Variants in FAM81B observed in about 807,000 individuals in gnomAD.
The protein encoded by FAM81B is protein FAM81B.
Under a neutral mutation model 58.7 loss-of-function variants are expected in FAM81B, and 60 were observed. That is an observed-to-expected ratio of 1.02 (90% CI 0.83 to 1.27). FAM81B has a LOEUF of 1.27. Ranked by LOEUF, FAM81B falls within the 50% of genes most tolerant of loss-of-function variation. The pLI, the probability that FAM81B is intolerant of heterozygous loss-of-function variation, is 0.00. For missense variants in FAM81B, 491 were observed against 522.0 expected (o/e 0.94, Z 0.58); for synonymous variants, 189 against 179.6 (o/e 1.05, Z -0.42).
At chr5:95,401,588 GT>G (rs150213217) in intron 3 of FAM81B, among the ~76,000 whole-genome samples, 38 of 147,770 alleles carry the variant, frequency 2.6e-4, no homozygotes, top group East Asian at 9.9e-4. Flanking sequence ...TTCACTTCAG[GT>G]TTTTTTTTTG....
Position 95,450,295 on chromosome 5 carries a change from A to T in FAM81B, c.*13A>T, listed in dbSNP as rs747423587. On this transcript the variant is annotated 3_prime_UTR_variant, in exon 10 of 10. Transcript: ENST00000283357. ...CCAGGAAGTATAAACCTTTTCAGTC[A>T]TCTTCTTTTTCATCAGCCAATGGAG... The T allele has an allele frequency of 5.0e-6, 8 of 1,609,758 alleles. No individual in the cohort carries two copies. In the South Asian group the frequency reaches 8.9e-5, roughly 18 times the overall value.
At chr5:95,426,110 A>G (rs1762821188) in intron 5 of FAM81B, among the ~76,000 whole-genome samples, 1 of 133,904 alleles carries the variant, frequency 7.5e-6, no homozygotes, top group Non-Finnish European at 1.6e-5. Context: ...ATATATATAT[A>G]TATATATATA....
At chr5:95,439,262 A>ATG (rs972472298) in intron 7 of FAM81B, among the ~76,000 whole-genome samples, 2 of 144,380 alleles carry the variant, frequency 1.4e-5, no homozygotes, top group African/African-American at 5.1e-5. Flanking sequence ...ATATATATAT[A>ATG]TATGTATATT....
At chr5:95,437,342 T>A (rs1016365890) in intron 7 of FAM81B, among the ~76,000 whole-genome samples, 1 of 151,638 alleles carries the variant, frequency 6.6e-6, no homozygotes, top group Non-Finnish European at 1.5e-5. Context: ...TATCATTATT[T>A]TATTATTATT....
chr5:95,448,315 G>A lies in FAM81B; in HGVS notation c.1076G>A (p.Ser359Asn). The A allele has an allele frequency of 1.2e-6, 2 of 1,608,588 alleles. No individual in the cohort carries two copies. Among genetic ancestry groups the A allele is most frequent in the African/African-American group, 1.3e-5 (1 of 74,726 alleles). Residue 359 changes from serine (S) to asparagine (N), a missense_variant, in exon 9 of 10, where the codon AGC (serine) becomes AAC (asparagine). Transcript: ENST00000283357. Reference sequence around the variant, plus strand: ...GAAGAAAAACTGCTGCAGCTTTCAAGCAAAGTAGAGAATTTCATTAACACA... The same window carrying A: ...GAAGAAAAACTGCTGCAGCTTTCAAACAAAGTAGAGAATTTCATTAACACA... The part of the protein sequence containing the change: ...KMEEKLLQLS[S>N]KVENFINTQK...
intron 3 of FAM81B, among the ~76,000 whole-genome samples, chr5:95,411,537 A>G (rs1302164482): frequency 6.6e-6 from 1 of 152,212 alleles, no homozygotes; most frequent in Non-Finnish European, 1.5e-5. Flanking sequence ...ATATTCATAA[A>G]GAAATAAGTC....
chr5:95,439,952 C>G lies in FAM81B; in HGVS notation c.893+3046C>G, dbSNP rs548760923. 345 of 285,510 alleles carry G rather than the reference C, an allele frequency of 1.2e-3. 1 individual carries two copies. Among genetic ancestry groups the G allele is most frequent in the Non-Finnish European group, 1.9e-3 (281 of 146,772 alleles). The allele number at this position is 285,510 out of a possible 1,614,324, so 17.7% of individuals were successfully genotyped here. ...GCAGGATCGCTTGAACCCAGGAGTTCGGGTTACAATGAGCTGTCATTGCAC... is the reference window on the plus strand; with the variant it reads ...GCAGGATCGCTTGAACCCAGGAGTTGGGGTTACAATGAGCTGTCATTGCAC... On this transcript the variant is annotated intron_variant, in intron 7 of 9. Coordinates refer to ENST00000283357, the MANE Select transcript of FAM81B (RefSeq NM_152548.3).
chr5:95,407,670 T>C (rs1422374595), intron 3 of FAM81B, among the ~76,000 whole-genome samples: 1 of 152,216 alleles, frequency 6.6e-6, no homozygotes, highest in Non-Finnish European at 1.5e-5. Context: ...GCATCATACA[T>C]TAAGCTCAAA....
intron 8 of FAM81B, among the ~76,000 whole-genome samples, chr5:95,447,295 A>G (rs138339891): frequency 1.3e-4 from 20 of 152,280 alleles, no homozygotes; most frequent in African/African-American, 4.8e-4. Flanking sequence ...GCAGGTGACT[A>G]AAGTAAGATG....
chr5:95,441,116 C>T (rs541381160), intron 7 of FAM81B, among the ~76,000 whole-genome samples: 6 of 152,012 alleles, frequency 3.9e-5, no homozygotes, highest in Non-Finnish European at 7.4e-5. Context: ...CCTCACTTGC[C>T]AAGATACAAT....
chr5:95,391,574 C>T (rs1761818418), intron 1 of FAM81B, 61 bp downstream of exon 1: 3 of 1,526,022 alleles, frequency 2.0e-6, no homozygotes, highest in Non-Finnish European at 2.6e-6. Context: ...TCTTCTGTTT[C>T]TTATTACATA....
At position 95,446,548 on chromosome 5, in the gene FAM81B, AT is replaced by A. The variant is rs745416732; in HGVS notation, c.894-8del. ...TTAACTTATTTAAATGAAACAAAACATTTTTTCCCATAGATTTCATTCACTT... is the reference window on the plus strand; with the variant it reads ...TTAACTTATTTAAATGAAACAAAACATTTTTCCCATAGATTTCATTCACTT... On this transcript the variant is annotated splice_polypyrimidine_tract_variant and intron_variant, in intron 7 of 9. Coordinates refer to ENST00000283357, the MANE Select transcript of FAM81B (RefSeq NM_152548.3). The A allele has an allele frequency of 6.4e-6, 10 of 1,558,494 alleles. No homozygotes were observed. The highest frequency in any genetic ancestry group is 4.2e-5 in the African/African-American group (3 of 71,886).
chr5:95,400,262 C>A (rs148170737), intron 3 of FAM81B, among the ~76,000 whole-genome samples: 27 of 152,252 alleles, frequency 1.8e-4, no homozygotes, highest in African/African-American at 6.3e-4. Flanking sequence ...CAAGGGGAAC[C>A]TGTTCCTTGT....
At chr5:95,408,023 AT>A (rs1390775719) in intron 3 of FAM81B, among the ~76,000 whole-genome samples, 2 of 150,482 alleles carry the variant, frequency 1.3e-5, no homozygotes, top group African/African-American at 4.9e-5. Flanking sequence ...GTTCCTCACC[AT>A]GTGGACCTCT....
intron 3 of FAM81B, among the ~76,000 whole-genome samples, chr5:95,413,703 T>C (rs1458130300): frequency 6.6e-6 from 1 of 152,178 alleles, no homozygotes; most frequent in Non-Finnish European, 1.5e-5. Context: ...GCTTCTAACA[T>C]CTTCTTTCAT....
At chr5:95,445,367 G>T (rs1745516973) in intron 7 of FAM81B, among the ~76,000 whole-genome samples, 1 of 152,090 alleles carries the variant, frequency 6.6e-6, no homozygotes, top group Non-Finnish European at 1.5e-5. Flanking sequence ...CTTATCATGA[G>T]CAAGTCACAT....
In FAM81B at chr5:95,434,934, C is replaced by A. The variant is rs1745043678; in HGVS notation, c.787-1866C>A. Reference sequence around the variant, plus strand: ...AAATGCCATAAAGGAATTAAATGTGCAAGAAATTTATTGAGAGGAAAATTG... The same window carrying A: ...AAATGCCATAAAGGAATTAAATGTGAAAGAAATTTATTGAGAGGAAAATTG... On this transcript the variant is annotated intron_variant, in intron 6 of 9. Coordinates refer to ENST00000283357, the MANE Select transcript of FAM81B (RefSeq NM_152548.3). Among the ~76,000 whole-genome samples, 3 of 152,252 alleles carry A rather than the reference C, an allele frequency of 2.0e-5. No individual in the cohort carries two copies. In the South Asian group the frequency reaches 6.2e-4, roughly 32 times the overall value.
intron 7 of FAM81B, among the ~76,000 whole-genome samples, chr5:95,442,476 T>C (rs1460046653): frequency 6.6e-6 from 1 of 152,246 alleles, no homozygotes; most frequent in Admixed American, 6.5e-5. Context: ...GAGATTAATT[T>C]GCCCAAAATC....
intron 7 of FAM81B, among the ~76,000 whole-genome samples, chr5:95,442,307 T>C (rs1052945481): frequency 2.0e-5 from 3 of 152,180 alleles, no homozygotes; most frequent in African/African-American, 7.2e-5. Context: ...AAGACAATGT[T>C]AAATGAGATG....
Sources: gnomAD v4.1 joint callset for allele counts (sites outside exome capture counted in the v4.1 genomes callset) on GRCh38, gnomAD v4.1.1 for gene constraint, MANE v1.5 for transcripts, NCBI Gene and HGNC (gene_info 2026-07-23, HGNC 2026-07-21) for gene names.